Variants in IMMP2L observed in about 807,000 individuals in gnomAD.
IMMP2L encodes the protein inner mitochondrial membrane peptidase subunit 2.
In IMMP2L, 18 loss-of-function variants were observed where a neutral mutation model predicts 19.3. That is an observed-to-expected ratio of 0.93 (90% CI 0.64 to 1.38). IMMP2L has a LOEUF of 1.38. IMMP2L is among the 40% of genes most tolerant of loss of function. The probability of loss-of-function intolerance (pLI) is 0.00; values close to 1 mark genes in which losing one functional copy is unlikely to be tolerated. For missense variants in IMMP2L, 233 were observed against 218.2 expected, an observed-to-expected ratio of 1.07 and a Z score of -0.43; for synonymous variants, 76 against 73.0, an observed-to-expected ratio of 1.04 and a Z score of -0.21.
intron 3 of IMMP2L, among the ~76,000 whole-genome samples, chr7:111,188,875 G>C (rs1200009639): frequency 6.6e-6 from 1 of 152,068 alleles, no homozygotes; most frequent in African/African-American, 2.4e-5. Context: ...TCAATAGGAA[G>C]ATTTCCTACC....
At chr7:111,112,573 A>G (rs927118366) in intron 3 of IMMP2L, among the ~76,000 whole-genome samples, 2 of 152,214 alleles carry the variant, frequency 1.3e-5, no homozygotes, top group African/African-American at 4.8e-5. Context: ...CAAAGCTTAC[A>G]GTGGAATGTA....
intron 3 of IMMP2L, among the ~76,000 whole-genome samples, chr7:111,451,619 G>A (rs1488763776): frequency 2.0e-5 from 3 of 148,634 alleles, no homozygotes; most frequent in Non-Finnish European, 3.0e-5. Flanking sequence ...GCTAGATGAC[G>A]AGTTAGGGGG....
chr7:111,060,834 C>T (rs1793950911), intron 3 of IMMP2L, among the ~76,000 whole-genome samples: 1 of 152,170 alleles, frequency 6.6e-6, no homozygotes, highest in African/African-American at 2.4e-5. Context: ...TGCTTTCTCT[C>T]CCTGTTTTGA....
intron 2 of IMMP2L, among the ~76,000 whole-genome samples, chr7:111,493,579 C>A (rs551493397): frequency 3.6e-4 from 55 of 151,900 alleles, no homozygotes; most frequent in Middle Eastern, 3.4e-3. Context: ...GGGGCGGGCG[C>A]CTGTAGTCCC....
intron 3 of IMMP2L, among the ~76,000 whole-genome samples, chr7:111,238,953 G>A (rs934791956): frequency 6.6e-6 from 1 of 151,896 alleles, no homozygotes; most frequent in Non-Finnish European, 1.5e-5. Context: ...AAATGATAAA[G>A]TATGTAATGT....
At chr7:111,086,330 C>T (rs1028665791) in intron 3 of IMMP2L, among the ~76,000 whole-genome samples, 1 of 151,460 alleles carries the variant, frequency 6.6e-6, no homozygotes, top group African/African-American at 2.4e-5. Flanking sequence ...GTCCTAGCTA[C>T]TCTGGAAGCT....
At chr7:110,927,444 T>C (rs570668869) in intron 4 of IMMP2L, among the ~76,000 whole-genome samples, 1 of 152,194 alleles carries the variant, frequency 6.6e-6, no homozygotes, top group Admixed American at 6.6e-5. Flanking sequence ...GTTCACTAAT[T>C]AGCTGCCCTC....
intron 5 of IMMP2L, among the ~76,000 whole-genome samples, chr7:110,677,764 C>CA (rs1322562700): frequency 6.6e-6 from 1 of 151,858 alleles, no homozygotes; most frequent in African/African-American, 2.4e-5. Context: ...AGATAGAAAG[C>CA]AATGGAGGAG....
At chr7:111,402,689 G>T (rs1238898792) in intron 3 of IMMP2L, among the ~76,000 whole-genome samples, 2 of 151,810 alleles carry the variant, frequency 1.3e-5, no homozygotes, top group Non-Finnish European at 2.9e-5. Flanking sequence ...ATCCAGCCTG[G>T]GTGACAGAGT....
intron 4 of IMMP2L, among the ~76,000 whole-genome samples, chr7:110,919,593 T>G: frequency 6.6e-6 from 1 of 152,170 alleles, no homozygotes; most frequent in East Asian, 1.9e-4. Flanking sequence ...CTTGTTTGCA[T>G]ACCGGAGAGG....
intron 3 of IMMP2L, among the ~76,000 whole-genome samples, chr7:111,259,455 CTTAAGT>C (rs1033907901): frequency 5.9e-5 from 9 of 151,984 alleles, no homozygotes; most frequent in Non-Finnish European, 8.8e-5. Context: ...GGTAACATAG[CTTAAGT>C]TTAATTTTAA....
intron 3 of IMMP2L, among the ~76,000 whole-genome samples, chr7:111,455,012 A>C (rs1280655756): frequency 6.6e-6 from 1 of 151,810 alleles, no homozygotes; most frequent in Non-Finnish European, 1.5e-5. Context: ...AAATATGCAA[A>C]ATATTAGTGG....
At chr7:111,511,893 G>A (rs908987157) in intron 2 of IMMP2L, among the ~76,000 whole-genome samples, 8 of 152,034 alleles carry the variant, frequency 5.3e-5, no homozygotes, top group Admixed American at 1.3e-4. Context: ...TCACTTCCCC[G>A]TATCAGGTGT....
chr7:111,236,304 G>A (rs931832575), intron 3 of IMMP2L, among the ~76,000 whole-genome samples: 3 of 152,064 alleles, frequency 2.0e-5, no homozygotes, highest in African/African-American at 7.2e-5. Context: ...AGCTTTGTTT[G>A]AGAAAACAGT....
Position 111,303,999 on chromosome 7 carries a change from C to G in IMMP2L, c.239+183239G>C, listed in dbSNP as rs146233737. Among the ~76,000 whole-genome samples the G allele has an allele frequency of 1.8e-3, 276 of 152,142 alleles. 1 individual carries two copies. The highest frequency in any genetic ancestry group is 6.5e-3 in the African/African-American group (271 of 41,542). Reference sequence around the variant, plus strand: ...AAAAGAAAAAAAACATAAAAATTATCTCATACATTAATGGAAAGTTTATTG... The same window carrying G: ...AAAAGAAAAAAAACATAAAAATTATGTCATACATTAATGGAAAGTTTATTG... On this transcript the variant is annotated intron_variant, in intron 3 of 5. Coordinates refer to ENST00000405709, the MANE Select transcript of IMMP2L (RefSeq NM_032549.4).
At chr7:111,145,688 G>A (rs1416293138) in intron 3 of IMMP2L, among the ~76,000 whole-genome samples, 2 of 152,092 alleles carry the variant, frequency 1.3e-5, no homozygotes, top group Non-Finnish European at 2.9e-5. Flanking sequence ...GGTGAATGCT[G>A]AGTCTGGTGG....
intron 5 of IMMP2L, among the ~76,000 whole-genome samples, chr7:110,810,268 T>C (rs1199547281): frequency 6.6e-6 from 1 of 152,120 alleles, no homozygotes; most frequent in Non-Finnish European, 1.5e-5. Flanking sequence ...CACATATGGC[T>C]GCTGATACCA....
At chr7:110,724,058 C>G (rs747736313) in intron 5 of IMMP2L, 82 of 152,198 alleles carry the variant, frequency 5.4e-4, no homozygotes, top group Non-Finnish European at 1.0e-3. Context: ...TAGTTATTTT[C>G]TGTTCCTTAA....
chr7:111,510,608 C>T (rs1400759704), intron 2 of IMMP2L, among the ~76,000 whole-genome samples: 1 of 152,106 alleles, frequency 6.6e-6, no homozygotes, highest in Non-Finnish European at 1.5e-5. Flanking sequence ...CAGCATAACC[C>T]TGGAGACAAT....
Sources: allele counts gnomAD v4.1 joint callset (sites outside exome capture counted in the v4.1 genomes callset), GRCh38; gene constraint gnomAD v4.1.1; transcripts MANE v1.5; gene names NCBI Gene and HGNC (gene_info 2026-07-23, HGNC 2026-07-21).